Variants in ERP29 observed in about 807,000 individuals in gnomAD.
ERP29 encodes endoplasmic reticulum resident protein 29.
ERP29 carries 14 observed loss-of-function variants against 21.7 expected under a neutral mutation model. The observed-to-expected ratio is 0.64, with a 90% CI of 0.43 to 1.01. The LOEUF (loss-of-function observed/expected upper bound fraction) is 1.01. Ranked by LOEUF, ERP29 falls within the 50% of genes least tolerant of loss-of-function variation. The pLI is 0.00. For synonymous variants in ERP29, 129 were observed against 139.1 expected, an observed-to-expected ratio of 0.93 and a Z score of 0.51; for missense variants, 286 against 327.3, an observed-to-expected ratio of 0.87 and a Z score of 0.97.
intron 1 of ERP29, chr12:112,019,249 C>A: frequency 5.2e-6 from 1 of 191,830 alleles, no homozygotes; most frequent in Non-Finnish European, 1.1e-5. Flanking sequence ...TGTCCCAAGC[C>A]TGGCCTCTCA....
At chr12:112,019,623 T>C (rs546664278) in intron 1 of ERP29, 133 bp from the exon 2 acceptor site, 5 of 1,004,048 alleles carry the variant, frequency 5.0e-6, no homozygotes, top group East Asian at 4.9e-5. Context: ...AATGAATAAA[T>C]ATTAGTTTGT....
intron 2 of ERP29, 151 bp downstream of exon 2, chr12:112,020,045 C>T: frequency 1.0e-6 from 1 of 961,792 alleles, no homozygotes; most frequent in Non-Finnish European, 1.6e-6. Flanking sequence ...AAGGAATCTG[C>T]TGCCCACAGT....
At chr12:112,014,891 T>A (rs1464953836) in intron 1 of ERP29, 1 of 152,310 alleles carries the variant, frequency 6.6e-6, no homozygotes, top group Admixed American at 6.5e-5. Context: ...TTTCAAGAAT[T>A]TAAAAGTGTA....
chr12:112,017,718 A>G (rs1435515038), intron 1 of ERP29, among the ~76,000 whole-genome samples: 1 of 152,056 alleles, frequency 6.6e-6, no homozygotes, highest in Non-Finnish European at 1.5e-5. Flanking sequence ...TATTTTTAAA[A>G]ACCAAGAGGA....
chr12:112,022,730 G>GGAAT lies in ERP29; in HGVS notation c.*79_*82dup. On this transcript the variant is annotated 3_prime_UTR_variant, in exon 3 of 3. Coordinates refer to ENST00000261735, the MANE Select transcript of ERP29 (RefSeq NM_006817.4). ...AACCTGCTGGCTGTGAGTCCCTTGT[G>GGAAT]GAATATAAGGGGGTAGTGGGAAAAG... 7.0e-7 allele frequency: 1 copy of GGAAT among 1,418,658 alleles called. No individual in the cohort carries two copies. Among genetic ancestry groups the GGAAT allele is most frequent in the Non-Finnish European group, 9.5e-7 (1 of 1,051,856 alleles). 87.9% of individuals were successfully genotyped at this position (1,418,658 alleles called of 1,614,324 possible). A position where few individuals can be genotyped will look rare whatever the true frequency, so the allele number is the denominator to read the frequency against.
intron 1 of ERP29, chr12:112,015,120 G>A (rs925123108): frequency 6.6e-6 from 1 of 151,684 alleles, no homozygotes; most frequent in African/African-American, 2.4e-5. Flanking sequence ...GGAGGCGGAG[G>A]TTGCGGTGAG....
In ERP29 at chr12:112,023,171, C is replaced by T. The variant is rs1292287187; in HGVS notation, c.*519C>T. The T allele has an allele frequency of 6.6e-6, 1 of 152,596 alleles. No homozygotes were observed. Among genetic ancestry groups the T allele is most frequent in the East Asian group, 1.9e-4 (1 of 5,198 alleles). 9.5% of individuals were successfully genotyped at this position (152,596 alleles called of 1,614,324 possible). On this transcript the variant is annotated 3_prime_UTR_variant, in exon 3 of 3. Coordinates refer to ENST00000261735, the MANE Select transcript of ERP29 (RefSeq NM_006817.4). ...ATTCAGACTGACATGGATTGACTGT[C>T]AATGGTAAAGTTTGTCTATTTTCCA...
rs147421876 is a variant in ERP29 at position 112,019,836 on chromosome 12, T to A, written c.225T>A (p.Arg75=). The A allele has an allele frequency of 6.2e-7, 1 of 1,613,864 alleles. No homozygotes were observed. The highest frequency in any genetic ancestry group is 8.5e-7 in the Non-Finnish European group (1 of 1,179,942). ...PYGEKQDEFK[R]LAENSASSDD... ...GTGAGAAGCAGGATGAGTTCAAGCG[T>A]CTTGCTGAAAACTCGGCTTCCAGCG... The change falls in exon 2 of 3, where the codon CGT becomes CGA. Residue 75 remains arginine, a synonymous_variant. Transcript: ENST00000261735.
At chr12:112,018,600 T>G (rs944754041) in intron 1 of ERP29, among the ~76,000 whole-genome samples, 21 of 152,236 alleles carry the variant, frequency 1.4e-4, no homozygotes, top group Admixed American at 2.6e-4. Flanking sequence ...AAAGAAGTCC[T>G]TGGCTTCTTC....
At chr12:112,021,515 CTTTT>C (rs1164185865) in intron 2 of ERP29, among the ~76,000 whole-genome samples, 7 of 70,042 alleles carry the variant, frequency 1.0e-4, no homozygotes, top group East Asian at 1.6e-3. Context: ...GCTTAATAGT[CTTTT>C]TTTTTTTTTT....
At chr12:112,019,668 C>G (rs771174930) in intron 1 of ERP29, 88 bp from the exon 2 acceptor site, 58 of 1,485,296 alleles carry the variant, frequency 3.9e-5, no homozygotes, top group Non-Finnish European at 4.9e-5. Flanking sequence ...TGTTTCCACT[C>G]TATTTCTTAA....
intron 1 of ERP29, among the ~76,000 whole-genome samples, chr12:112,013,984 G>C (rs2077971037): frequency 6.6e-6 from 1 of 152,240 alleles, no homozygotes; most frequent in South Asian, 2.1e-4. Flanking sequence ...ACGCCACCGG[G>C]CTCCCGGCTG....
chr12:112,016,707 G>A (rs1167615611), intron 1 of ERP29, among the ~76,000 whole-genome samples: 10 of 152,022 alleles, frequency 6.6e-5, no homozygotes, highest in Non-Finnish European at 1.3e-4. Context: ...TGGCTAACAC[G>A]GTGAAACCCT....
chr12:112,016,359 G>GT (rs2078012585), intron 1 of ERP29, among the ~76,000 whole-genome samples: 1 of 152,044 alleles, frequency 6.6e-6, no homozygotes, highest in Non-Finnish European at 1.5e-5. Flanking sequence ...TTTTGTTGTT[G>GT]TTTCTTTCCC....
At position 112,013,438 on chromosome 12, in the gene ERP29, C is replaced by T; in HGVS notation, c.-28C>T. The T allele has an allele frequency of 1.3e-6, 2 of 1,596,706 alleles. No individual in the cohort carries two copies. Among genetic ancestry groups the T allele is most frequent in the East Asian group, 2.2e-5 (1 of 44,560 alleles). ...CGGGGCGTTCTCCACTATCGCTTAC[C>T]TACCTCCCTCTGCAGGAACCCGGCG... On this transcript the variant is annotated 5_prime_UTR_variant, in exon 1 of 3. Coordinates refer to ENST00000261735, the MANE Select transcript of ERP29 (RefSeq NM_006817.4).
rs1241870077 is a variant in ERP29, at chr12:112,022,574, G to A, written c.708G>A (p.Gly236=). ...TTGAGAAGAACAAGATGAGTGACGG[G>A]AAGAAGGAGGAGCTCCAGAAGAGCT... ...RLIEKNKMSD[G]KKEELQKSLN... is the part of the protein sequence containing the mutation. Residue 236 remains glycine, a synonymous_variant, in exon 3 of 3, where the codon GGG becomes GGA. Transcript: ENST00000261735. The A allele has an allele frequency of 1.2e-6, 2 of 1,614,160 alleles. No homozygotes were observed. The highest frequency in any genetic ancestry group is 1.7e-6 in the Non-Finnish European group (2 of 1,180,020).
chr12:112,022,230 C>T lies in ERP29; in HGVS notation c.364C>T (p.Arg122Trp), dbSNP rs755173279. The change falls in exon 3 of 3, where the codon CGG becomes TGG. Residue 122 changes from arginine (R) to tryptophan (W), a missense_variant. Coordinates refer to ENST00000261735, the MANE Select transcript of ERP29 (RefSeq NM_006817.4). ...KESYPVFYLF[R>W]DGDFENPVPY... is the part of the protein sequence containing the mutation. ...GAGCTACCCAGTCTTCTACCTCTTC[C>T]GGGATGGGGACTTTGAGAACCCAGT... The T allele has an allele frequency of 6.8e-6, 11 of 1,613,844 alleles. No individual in the cohort carries two copies. Among genetic ancestry groups the T allele is most frequent in the South Asian group, 3.3e-5 (3 of 91,068 alleles).
At chr12:112,014,362 T>G (rs2136774059) in intron 1 of ERP29, among the ~76,000 whole-genome samples, 1 of 152,340 alleles carries the variant, frequency 6.6e-6, no homozygotes, top group Admixed American at 6.5e-5. Flanking sequence ...GGTTGTGTGC[T>G]TCTTATCAGA....
chr12:112,015,790 C>T (rs933590960), intron 1 of ERP29, among the ~76,000 whole-genome samples: 5 of 152,216 alleles, frequency 3.3e-5, no homozygotes, highest in African/African-American at 9.7e-5. Context: ...TTCTATATGA[C>T]CTGACTCCTG....
Sources: gnomAD v4.1 joint callset for allele counts (sites outside exome capture counted in the v4.1 genomes callset) on GRCh38, gnomAD v4.1.1 for gene constraint, MANE v1.5 for transcripts, NCBI Gene and HGNC (gene_info 2026-07-23, HGNC 2026-07-21) for gene names.